The following ADPGK variants were observed in gnomAD, a reference collection of about 807,000 sequenced individuals.
The protein encoded by ADPGK is ADP-dependent glucokinase.
Under a neutral mutation model 42.4 loss-of-function variants are expected in ADPGK, and 26 were observed. That is an observed-to-expected ratio of 0.61 (90% CI 0.45 to 0.85). ADPGK has a LOEUF of 0.85. Among genes scored for constraint, ADPGK ranks in the 40% least tolerant of loss-of-function variants. The pLI, the probability that ADPGK is intolerant of heterozygous loss-of-function variation, is 0.00. For missense variants in ADPGK, 571 were observed against 627.0 expected (o/e 0.91, Z 0.95); for synonymous variants, 267 against 252.6 (o/e 1.06, Z -0.54).
At chr15:72,778,860 A>G (rs2066421926) in intron 1 of ADPGK, among the ~76,000 whole-genome samples, 1 of 152,202 alleles carries the variant, frequency 6.6e-6, no homozygotes, top group Non-Finnish European at 1.5e-5. Context: ...GCATCTAGAT[A>G]GAAGAAAGGC....
chr15:72,775,598 G>A (rs1431848530), intron 1 of ADPGK, among the ~76,000 whole-genome samples: 1 of 152,208 alleles, frequency 6.6e-6, no homozygotes, highest in African/African-American at 2.4e-5. Flanking sequence ...AGCAAAATAT[G>A]TGTTTCAGTC....
chr15:72,765,140 A>T (rs894317100), intron 3 of ADPGK, among the ~76,000 whole-genome samples: 20 of 152,172 alleles, frequency 1.3e-4, no homozygotes, highest in African/African-American at 4.8e-4. Context: ...CCCATAAATT[A>T]AGAAGTTATT....
At chr15:72,776,222 T>C (rs1009710627) in intron 1 of ADPGK, among the ~76,000 whole-genome samples, 4 of 152,218 alleles carry the variant, frequency 2.6e-5, no homozygotes, top group African/African-American at 7.2e-5. Flanking sequence ...AGGGTTTCTT[T>C]GCTAAGTCAT....
chr15:72,755,727 A>T, intron 5 of ADPGK, 73 bp from the exon 6 acceptor site: 2 of 1,222,810 alleles, frequency 1.6e-6, no homozygotes, highest in Non-Finnish European at 1.2e-6. Flanking sequence ...AAAAGATCAG[A>T]TCCTGAGAGG....
intron 3 of ADPGK, among the ~76,000 whole-genome samples, chr15:72,765,744 G>A (rs151291080): frequency 6.6e-6 from 1 of 152,198 alleles, no homozygotes; most frequent in African/African-American, 2.4e-5. Context: ...ACTAGAATTA[G>A]AAGTGGGGCC....
intron 2 of ADPGK, among the ~76,000 whole-genome samples, 169 bp from the exon 3 acceptor site, chr15:72,772,014 A>C (rs1053073798): frequency 2.6e-5 from 4 of 152,242 alleles, no homozygotes; most frequent in Admixed American, 1.3e-4. Context: ...CAGAAATAGA[A>C]AGTGAGTAAT....
chr15:72,760,368 T>C (rs1259786945), intron 4 of ADPGK, 39 bp downstream of exon 4: 15 of 1,565,422 alleles, frequency 9.6e-6, no homozygotes, highest in South Asian at 3.5e-5. Flanking sequence ...ACACAGCCCC[T>C]TGACTGGTCT....
chr15:72,778,859 T>C (rs1248379711), intron 1 of ADPGK, among the ~76,000 whole-genome samples: 1 of 152,186 alleles, frequency 6.6e-6, no homozygotes, highest in Non-Finnish European at 1.5e-5. Flanking sequence ...TGCATCTAGA[T>C]AGAAGAAAGG....
intron 3 of ADPGK, among the ~76,000 whole-genome samples, chr15:72,766,180 G>C (rs1449939553): frequency 6.6e-6 from 1 of 151,856 alleles, no homozygotes; most frequent in Non-Finnish European, 1.5e-5. Flanking sequence ...TTTTAGAGAT[G>C]GGGTCTCGCT....
chr15:72,759,377 G>C (rs1007886539), intron 4 of ADPGK, among the ~76,000 whole-genome samples: 1 of 152,154 alleles, frequency 6.6e-6, no homozygotes, highest in African/African-American at 2.4e-5. Flanking sequence ...TCAAAAACTT[G>C]TGTAGCATTA....
rs146185929 is a variant in ADPGK at position 72,764,535 on chromosome 15, C to G, written c.523-4008G>C. 3.5e-4 allele frequency among the ~76,000 whole-genome samples: 54 copies of G among 152,320 alleles called. 1 individual carries two copies. In the East Asian group the frequency reaches 0.01, roughly 29 times the overall value. On this transcript the variant is annotated intron_variant, in intron 3 of 6. Transcript: ENST00000456471. ...GGTTCATGAGGTTTAAGGAAAGAAG[C>G]TGTCTCCACAACATAAAAATGCAAG... is the stretch of plus-strand genomic sequence containing the variant.
At chr15:72,783,409 T>G in intron 1 of ADPGK, 50 bp downstream of exon 1, 4 of 1,324,262 alleles carry the variant, frequency 3.0e-6, no homozygotes, top group Non-Finnish European at 3.8e-6. Context: ...CCGCCCGACC[T>G]CCAAGGCCGA....
In ADPGK at chr15:72,752,185, C is replaced by A; in HGVS notation, c.*156G>T. On this transcript the variant is annotated 3_prime_UTR_variant, in exon 7 of 7. Coordinates refer to ENST00000456471, the MANE Select transcript of ADPGK (RefSeq NM_001365225.1). ...TCATTAGCTAAATTCGGATTAAAAT[C>A]TGAAATGTTTTTATGGAGTTGCCAA... The A allele has an allele frequency of 2.6e-6, 2 of 776,112 alleles. No homozygotes were observed. The highest frequency in any genetic ancestry group is 3.9e-6 in the Non-Finnish European group (2 of 506,740). The allele number at this position is 776,112 out of a possible 1,614,324, so 48.1% of individuals were successfully genotyped here.
At chr15:72,763,751 T>C (rs1032250237) in intron 3 of ADPGK, among the ~76,000 whole-genome samples, 8 of 152,210 alleles carry the variant, frequency 5.3e-5, no homozygotes, top group African/African-American at 1.7e-4. Flanking sequence ...TTTTTACAAA[T>C]TGACAGTTTG....
chr15:72,752,513 C>G lies in ADPGK; in HGVS notation c.1322G>C (p.Gly441Ala), dbSNP rs1423726834. 2 of 1,614,074 alleles carry G rather than the reference C, an allele frequency of 1.2e-6. No homozygotes were observed. Among genetic ancestry groups the G allele is most frequent in the Admixed American group, 3.3e-5 (2 of 60,008 alleles). Residue 441 changes from glycine (G) to alanine (A), a missense_variant, in exon 7 of 7, where the codon GGC (glycine) becomes GCC (alanine). By Grantham distance (60) the Gly-to-Ala change is moderately conservative. Coordinates refer to ENST00000456471, the MANE Select transcript of ADPGK (RefSeq NM_001365225.1). ...GTTTGGGTTTAATACAATCCTGGAG[C>G]CTGCCTCCGAATGGGAAGTCATGAA... is the stretch of plus-strand genomic sequence containing the variant. ...QEFMTSHSEA[G>A]SRIVLNPNKP...
intron 1 of ADPGK, among the ~76,000 whole-genome samples, chr15:72,776,086 T>C (rs909608303): frequency 7.2e-5 from 11 of 152,180 alleles, no homozygotes; most frequent in African/African-American, 2.7e-4. Context: ...TTAATATACA[T>C]CAGTGGCATC....
At chr15:72,758,965 G>C (rs2066153379) in intron 4 of ADPGK, among the ~76,000 whole-genome samples, 1 of 152,168 alleles carries the variant, frequency 6.6e-6, no homozygotes, top group Non-Finnish European at 1.5e-5. Context: ...TTGAGACGGA[G>C]TCTCGCTCTG....
chr15:72,760,564 G>A (rs766927363), intron 3 of ADPGK, 37 bp from the exon 4 acceptor site: 4 of 1,575,922 alleles, frequency 2.5e-6, no homozygotes, highest in Non-Finnish European at 3.5e-6. Flanking sequence ...CAGGAGCCCC[G>A]TTCCTTTCCC....
intron 3 of ADPGK, among the ~76,000 whole-genome samples, chr15:72,770,896 A>G (rs1366603245): frequency 1.3e-5 from 2 of 152,054 alleles, no homozygotes; most frequent in South Asian, 2.1e-4. Context: ...TCTGACTCAC[A>G]TTTCTATTTT....
Sources: allele counts gnomAD v4.1 joint callset (sites outside exome capture counted in the v4.1 genomes callset), GRCh38; gene constraint gnomAD v4.1.1; transcripts MANE v1.5; gene names NCBI Gene and HGNC (gene_info 2026-07-23, HGNC 2026-07-21).